Variants in HSF2BP observed in about 807,000 individuals in gnomAD.
The protein encoded by HSF2BP is heat shock factor 2-binding protein.
A neutral mutation model predicts 35.0 loss-of-function variants in HSF2BP; 35 were observed. The ratio of observed to expected loss-of-function variants is 1.00; its 90% CI spans 0.76 to 1.32. The LOEUF is 1.32. Among genes scored for constraint, HSF2BP ranks in the 40% most tolerant of loss-of-function variants. HSF2BP has a pLI of 0.00. For synonymous variants in HSF2BP, 114 were observed against 117.4 expected (o/e 0.97, Z 0.18); for missense variants, 326 against 321.7 (o/e 1.01, Z -0.10).
chr21:43,598,215 CAG>C (rs1396763101), intron 7 of HSF2BP, among the ~76,000 whole-genome samples: 13 of 151,398 alleles, frequency 8.6e-5, no homozygotes, highest in African/African-American at 3.2e-4. Flanking sequence ...TGTTTTGAGA[CAG>C]AGTCTCGCTC....
intron 8 of HSF2BP, among the ~76,000 whole-genome samples, chr21:43,576,118 C>A (rs1402044856): frequency 7.0e-5 from 8 of 114,786 alleles, no homozygotes; most frequent in East Asian, 2.5e-4. Context: ...ATTTTGTCTC[C>A]AAAAAAAAAA....
chr21:43,582,048 T>C (rs1452682417), intron 8 of HSF2BP, among the ~76,000 whole-genome samples: 1 of 45,986 alleles, frequency 2.2e-5, no homozygotes, highest in African/African-American at 9.8e-5. Context: ...GGCCCTGTTG[T>C]GGGGGATGAG....
chr21:43,583,936 T>C (rs1318437754), intron 8 of HSF2BP, among the ~76,000 whole-genome samples: 2 of 125,766 alleles, frequency 1.6e-5, no homozygotes, highest in Non-Finnish European at 3.3e-5. Flanking sequence ...CTGAGGGAGA[T>C]GAAGACCTGC....
rs151034833 is a variant in HSF2BP, at chr21:43,603,812, T to A, written c.692+10018A>T. 4.2e-3 allele frequency among the ~76,000 whole-genome samples: 642 copies of A among 152,236 alleles called. 19 individuals are homozygous for A. The highest frequency in any genetic ancestry group is 0.04 in the Admixed American group (604 of 15,290). On this transcript the variant is annotated intron_variant, in intron 7 of 8. Coordinates refer to ENST00000291560, the MANE Select transcript of HSF2BP (RefSeq NM_007031.2). ...TAGGAACAGCCCGAAACCATATGGCTGGGGAGGCTATGCCACTGAAAAAAC... is the reference window on the plus strand; with the variant it reads ...TAGGAACAGCCCGAAACCATATGGCAGGGGAGGCTATGCCACTGAAAAAAC...
intron 7 of HSF2BP, among the ~76,000 whole-genome samples, chr21:43,604,828 C>CCA (rs543733982): frequency 7.6e-6 from 1 of 131,870 alleles, no homozygotes. Flanking sequence ...ACATCGCACA[C>CCA]CACACACACC....
At chr21:43,655,268 G>A (rs1159428706) in intron 3 of HSF2BP, among the ~76,000 whole-genome samples, 1 of 152,204 alleles carries the variant, frequency 6.6e-6, no homozygotes, top group South Asian at 2.1e-4. Context: ...AAAGTTGCTG[G>A]ATGAGCATGA....
the HSF2BP span, among the ~76,000 whole-genome samples, chr21:43,505,451 A>G: frequency 3.0e-5 from 3 of 99,866 alleles, no homozygotes; most frequent in African/African-American, 2.0e-4. Context: ...TTCCGCGTGC[A>G]GCACGCCATG....
At chr21:43,620,372 T>G (rs184484334) in intron 6 of HSF2BP, among the ~76,000 whole-genome samples, 39 of 152,336 alleles carry the variant, frequency 2.6e-4, no homozygotes, top group African/African-American at 8.7e-4. Context: ...CGGAAATTTG[T>G]CAGAGAAATT....
chr21:43,458,180 A>C, the HSF2BP span, among the ~76,000 whole-genome samples: 1 of 78,564 alleles, frequency 1.3e-5, no homozygotes, highest in Non-Finnish European at 2.5e-5. Flanking sequence ...CAGGGAGGCC[A>C]CCTCCTCCCT....
At chr21:43,589,677 G>GGAACA (rs1568891998) in intron 8 of HSF2BP, among the ~76,000 whole-genome samples, 1 of 152,018 alleles carries the variant, frequency 6.6e-6, no homozygotes, top group East Asian at 1.9e-4. Context: ...ATAGATGAAT[G>GGAACA]GAACAGAACA....
intron 5 of HSF2BP, among the ~76,000 whole-genome samples, chr21:43,631,795 T>G (rs2082459724): frequency 6.6e-6 from 1 of 152,056 alleles, no homozygotes; most frequent in Non-Finnish European, 1.5e-5. Context: ...TTCTACCTAT[T>G]CATCAAGGCC....
chr21:43,591,322 C>A (rs770431339), intron 8 of HSF2BP, among the ~76,000 whole-genome samples: 20 of 152,128 alleles, frequency 1.3e-4, no homozygotes, highest in African/African-American at 2.9e-4. Context: ...TTTCCAATTT[C>A]TTTTTACCCA....
intron 3 of HSF2BP, 118 bp downstream of exon 3, chr21:43,656,469 A>G (rs187478463): frequency 2.0e-6 from 2 of 976,954 alleles, no homozygotes; most frequent in East Asian, 2.4e-5. Flanking sequence ...GACTCTCCCA[A>G]ATATCATCAC....
chr21:43,599,392 A>G (rs2082024812), intron 7 of HSF2BP, among the ~76,000 whole-genome samples: 1 of 152,230 alleles, frequency 6.6e-6, no homozygotes, highest in African/African-American at 2.4e-5. Flanking sequence ...GTCTAATATA[A>G]CATTTCTATT....
chr21:43,573,802 G>A (rs2146666549), intron 8 of HSF2BP, among the ~76,000 whole-genome samples: 2 of 152,276 alleles, frequency 1.3e-5, no homozygotes, highest in South Asian at 4.2e-4. Context: ...TGCTGGGGGA[G>A]GGTGACACCT....
chr21:43,644,329 C>A lies in HSF2BP; in HGVS notation c.251G>T (p.Arg84Leu), dbSNP rs745699883. 7 of 1,614,122 alleles carry A rather than the reference C, an allele frequency of 4.3e-6. No homozygotes were observed. The highest frequency in any genetic ancestry group is 3.3e-5 in the South Asian group (3 of 91,076). The part of the protein sequence containing the change: ...LKMDCEHFKA[R>L]LETVQADNIR... ...GTTGTCGGCCTGCACGGTTTCCAGGCGGGCTTTAAAGTGCTCACAATCCAT... is the reference window on the plus strand; with the variant it reads ...GTTGTCGGCCTGCACGGTTTCCAGGAGGGCTTTAAAGTGCTCACAATCCAT... Residue 84 changes from arginine (R) to leucine (L), a missense_variant, in exon 4 of 9, where the codon CGC becomes CTC. By Grantham distance (102) the Arg-to-Leu change is moderately radical (BLOSUM62 -2). Coordinates refer to ENST00000291560, the MANE Select transcript of HSF2BP (RefSeq NM_007031.2).
intron 4 of HSF2BP, among the ~76,000 whole-genome samples, chr21:43,635,866 C>T (rs9974710): frequency 0.67 from 99,467 of 148,158 alleles, 33,837 homozygotes; most frequent in East Asian, 0.79. Context: ...GAGGGGGCGA[C>T]TGCAGTGAGC....
At chr21:43,592,404 G>GTTCCTCTTAACT in intron 7 of HSF2BP, 76 bp from the exon 8 acceptor site, 2 of 924,264 alleles carry the variant, frequency 2.2e-6, no homozygotes, top group Non-Finnish European at 3.5e-6. Flanking sequence ...TACTAGTTAA[G>GTTCCTCTTAACT]AGGAACTTAA....
chr21:43,589,028 A>G (rs2081893164), intron 8 of HSF2BP, among the ~76,000 whole-genome samples: 1 of 152,212 alleles, frequency 6.6e-6, no homozygotes, highest in African/African-American at 2.4e-5. Flanking sequence ...CTTGAGTCTG[A>G]GACCAAGAAC....
Sources: allele counts gnomAD v4.1 joint callset (sites outside exome capture counted in the v4.1 genomes callset), GRCh38; gene constraint gnomAD v4.1.1; transcripts MANE v1.5; gene names NCBI Gene and HGNC (gene_info 2026-07-23, HGNC 2026-07-21).